The following TACR1 variants were observed in gnomAD, a reference collection of about 807,000 sequenced individuals.
TACR1 encodes the protein substance-P receptor.
In TACR1, 25 loss-of-function variants were observed where a neutral mutation model predicts 35.8. That is an observed-to-expected ratio of 0.70 (90% confidence interval 0.51 to 0.98). The LOEUF (loss-of-function observed/expected upper bound fraction) is 0.98, where lower values mean the gene tolerates loss of function less well. Among genes scored for constraint, TACR1 ranks in the 50% least tolerant of loss-of-function variants. TACR1 has a pLI of 0.00. For missense variants in TACR1, 478 were observed against 522.9 expected (o/e 0.91, Z 0.84); for synonymous variants, 195 against 206.7 (o/e 0.94, Z 0.48).
chr2:75,084,114 T>C (rs891929351), intron 2 of TACR1, among the ~76,000 whole-genome samples: 5 of 152,204 alleles, frequency 3.3e-5, no homozygotes, highest in Admixed American at 6.5e-5. Context: ...AATACCTAAT[T>C]TATTGAGAGT....
intron 1 of TACR1, among the ~76,000 whole-genome samples, chr2:75,167,573 C>T (rs1343030376): frequency 6.6e-6 from 1 of 152,154 alleles, no homozygotes; most frequent in Non-Finnish European, 1.5e-5. Context: ...CCAAGACATC[C>T]TTCTGGCACA....
intron 2 of TACR1, among the ~76,000 whole-genome samples, chr2:75,071,549 C>G (rs894004495): frequency 2.6e-5 from 4 of 152,056 alleles, no homozygotes; most frequent in Admixed American, 6.5e-5. Context: ...CTTCCAAGTG[C>G]TCTGCAGGCT....
intron 1 of TACR1, among the ~76,000 whole-genome samples, chr2:75,123,678 A>T (rs1003755030): frequency 6.6e-5 from 10 of 152,078 alleles, no homozygotes; most frequent in African/African-American, 2.4e-4. Flanking sequence ...GGTGTTTATA[A>T]ATCTCCCTCC....
chr2:75,122,081 A>G (rs1478504002), intron 1 of TACR1, among the ~76,000 whole-genome samples: 1 of 152,204 alleles, frequency 6.6e-6, no homozygotes, highest in East Asian at 1.9e-4. Context: ...TCTGGGCTAT[A>G]AGCTTGTAAT....
At chr2:75,108,848 CA>C (rs1032506042) in intron 2 of TACR1, among the ~76,000 whole-genome samples, 3 of 152,130 alleles carry the variant, frequency 2.0e-5, no homozygotes, top group Non-Finnish European at 4.4e-5. Context: ...AAAATCATTT[CA>C]AAATTTGTAC....
intron 1 of TACR1, among the ~76,000 whole-genome samples, chr2:75,129,611 C>T (rs1189687719): frequency 2.0e-5 from 3 of 152,122 alleles, no homozygotes; most frequent in Admixed American, 6.5e-5. Context: ...CAACTATGTA[C>T]AATTATTACG....
rs954260721 is a variant in TACR1, at chr2:75,181,924, G to A, written c.389+16622C>T. Reference sequence around the variant, plus strand: ...TATATTTGGTTACAAATAACAGAACGTCTGTTTATCAAGCGCTCAAAGAAC... The same window carrying A: ...TATATTTGGTTACAAATAACAGAACATCTGTTTATCAAGCGCTCAAAGAAC... On this transcript the variant is annotated intron_variant, in intron 1 of 4. Coordinates refer to ENST00000305249, the MANE Select transcript of TACR1 (RefSeq NM_001058.4). Among the ~76,000 whole-genome samples the A allele has an allele frequency of 5.9e-5, 9 of 152,244 alleles. No individual in the cohort carries two copies. The East Asian group carries it at 9.6e-4, about 16-fold the overall frequency.
At chr2:75,132,419 A>C (rs753315832) in intron 1 of TACR1, among the ~76,000 whole-genome samples, 4 of 152,120 alleles carry the variant, frequency 2.6e-5, no homozygotes, top group South Asian at 2.1e-4. Context: ...TTATATTTTA[A>C]CTGTTATTAT....
intron 2 of TACR1, among the ~76,000 whole-genome samples, chr2:75,060,107 G>T (rs1450507151): frequency 6.6e-6 from 1 of 152,154 alleles, no homozygotes; most frequent in Non-Finnish European, 1.5e-5. Context: ...GGTGCTAGGG[G>T]CTGGGGACAC....
intron 3 of TACR1, 31 bp from the exon 4 acceptor site, chr2:75,051,478 C>T: frequency 6.2e-7 from 1 of 1,612,026 alleles, no homozygotes; most frequent in Non-Finnish European, 8.5e-7. Context: ...GTGAGACCAC[C>T]AGCACATCCC....
At chr2:75,159,606 T>A (rs187070302) in intron 1 of TACR1, among the ~76,000 whole-genome samples, 24 of 152,294 alleles carry the variant, frequency 1.6e-4, no homozygotes, top group Admixed American at 7.8e-4. Flanking sequence ...CTAGGTACTT[T>A]CCTTAGAAAC....
chr2:75,114,175 T>C (rs1342722626), intron 2 of TACR1, among the ~76,000 whole-genome samples: 3 of 152,214 alleles, frequency 2.0e-5, no homozygotes, highest in Non-Finnish European at 4.4e-5. Context: ...AACGATTCTG[T>C]TTTCTAACAT....
At chr2:75,052,762 T>TGTGTGTGTGC (rs1672492910) in intron 3 of TACR1, among the ~76,000 whole-genome samples, 1 of 152,144 alleles carries the variant, frequency 6.6e-6, no homozygotes, top group Non-Finnish European at 1.5e-5. Flanking sequence ...CATATCTGTG[T>TGTGTGTGTGC]GTGTGTGTGC....
chr2:75,085,712 C>T (rs1393756072), intron 2 of TACR1, among the ~76,000 whole-genome samples: 1 of 152,134 alleles, frequency 6.6e-6, no homozygotes, highest in Non-Finnish European at 1.5e-5. Context: ...GGTGACCTGG[C>T]TGGAGTCAGT....
At chr2:75,113,072 A>T (rs533033412) in intron 2 of TACR1, among the ~76,000 whole-genome samples, 2 of 152,324 alleles carry the variant, frequency 1.3e-5, no homozygotes, top group South Asian at 4.1e-4. Flanking sequence ...TTATAAGAGT[A>T]TTTGAAAGAT....
At chr2:75,051,122 G>T (rs1283460955) in intron 4 of TACR1, 129 bp downstream of exon 4, 1 of 1,176,614 alleles carries the variant, frequency 8.5e-7, no homozygotes, top group African/African-American at 1.5e-5. Context: ...GTGATGATAA[G>T]TTAGCTGCAG....
chr2:75,146,005 A>T (rs1674503510), intron 1 of TACR1, among the ~76,000 whole-genome samples: 1 of 152,270 alleles, frequency 6.6e-6, no homozygotes, highest in Non-Finnish European at 1.5e-5. Context: ...CCAAAGATCA[A>T]ATCCTAGAGA....
intron 2 of TACR1, among the ~76,000 whole-genome samples, chr2:75,058,215 ATAAAAT>A (rs779057449): frequency 2.1e-4 from 32 of 152,362 alleles, no homozygotes; most frequent in Middle Eastern, 6.8e-3. Context: ...ATTAGAAAAC[ATAAAAT>A]TAAATACTTT....
At chr2:75,170,607 G>A (rs1217900596) in intron 1 of TACR1, among the ~76,000 whole-genome samples, 1 of 152,194 alleles carries the variant, frequency 6.6e-6, no homozygotes, top group East Asian at 1.9e-4. Flanking sequence ...GAACTTCCTA[G>A]AGACTTGTTG....
Sources: gnomAD v4.1 joint callset for allele counts (sites outside exome capture counted in the v4.1 genomes callset) on GRCh38, gnomAD v4.1.1 for gene constraint, MANE v1.5 for transcripts, NCBI Gene and HGNC (gene_info 2026-07-23, HGNC 2026-07-21) for gene names.